The following CACNA2D1 variants were observed in gnomAD, a reference collection of about 807,000 sequenced individuals.
CACNA2D1 encodes the protein calcium voltage-gated channel auxiliary subunit alpha2delta 1, also known as voltage-dependent calcium channel subunit alpha-2/delta-1.
Under a neutral mutation model 171.5 loss-of-function variants are expected in CACNA2D1, and 53 were observed. The ratio of observed to expected loss-of-function variants is 0.31; its 90% CI spans 0.25 to 0.39. The LOEUF is 0.39. Ranked by LOEUF, CACNA2D1 falls within the 10% of genes least tolerant of loss-of-function variation. CACNA2D1 has a pLI of 1.00. For synonymous variants in CACNA2D1, 442 were observed against 443.1 expected (o/e 1.00, Z 0.03); for missense variants, 903 against 1,299.8 (o/e 0.69, Z 4.69).
At chr7:82,367,747 G>A (rs147920304) in intron 1 of CACNA2D1, among the ~76,000 whole-genome samples, 178 of 152,226 alleles carry the variant, frequency 1.2e-3, no homozygotes, top group Middle Eastern at 6.8e-3. Flanking sequence ...TATTAGCAAG[G>A]CGTGATGAAC....
intron 3 of CACNA2D1, among the ~76,000 whole-genome samples, chr7:82,282,886 A>G (rs1810301640): frequency 6.6e-6 from 1 of 152,170 alleles, no homozygotes; most frequent in Non-Finnish European, 1.5e-5. Context: ...GCACATTCCT[A>G]CAATACATTA....
intron 38 of CACNA2D1, among the ~76,000 whole-genome samples, chr7:81,955,141 T>C (rs1793075403): frequency 6.6e-6 from 1 of 152,174 alleles, no homozygotes; most frequent in Non-Finnish European, 1.5e-5. Flanking sequence ...GTTTGAACAC[T>C]TGAGTTCTGA....
intron 7 of CACNA2D1, among the ~76,000 whole-genome samples, chr7:82,080,228 T>C (rs568560429): frequency 3.7e-4 from 56 of 151,874 alleles, no homozygotes; most frequent in African/African-American, 1.2e-3. Context: ...CTGCTTTAAG[T>C]AGCATATTAA....
At chr7:82,258,761 T>C (rs1806617748) in intron 3 of CACNA2D1, among the ~76,000 whole-genome samples, 1 of 151,916 alleles carries the variant, frequency 6.6e-6, no homozygotes, top group African/African-American at 2.4e-5. Context: ...CTTTTGAAAA[T>C]GTGTTTTCTG....
chr7:82,174,042 C>CAAAAAAAAAAAA (rs71093365), intron 3 of CACNA2D1, among the ~76,000 whole-genome samples: 2 of 45,644 alleles, frequency 4.4e-5, no homozygotes, highest in African/African-American at 8.7e-5. Flanking sequence ...GACCCTGTCT[C>CAAAAAAAAAAAA]AAAAAAAAAA....
At chr7:82,219,998 G>A (rs2129245725) in intron 3 of CACNA2D1, among the ~76,000 whole-genome samples, 1 of 152,102 alleles carries the variant, frequency 6.6e-6, no homozygotes. Flanking sequence ...TAGATTCACT[G>A]TTTTTTTCCA....
At chr7:82,410,412 G>A (rs904856845) in intron 1 of CACNA2D1, 1 of 479,716 alleles carries the variant, frequency 2.1e-6, no homozygotes, top group African/African-American at 2.1e-5. Context: ...TATCACTTCT[G>A]TACTGCTATC....
At chr7:82,245,676 A>ACACACT (rs1554479418) in intron 3 of CACNA2D1, among the ~76,000 whole-genome samples, 40 of 146,002 alleles carry the variant, frequency 2.7e-4, no homozygotes, top group South Asian at 1.1e-3. Context: ...ACACACACAC[A>ACACACT]CACACACACA....
intron 1 of CACNA2D1, among the ~76,000 whole-genome samples, chr7:82,351,657 T>C (rs990911662): frequency 3.3e-5 from 5 of 152,118 alleles, no homozygotes; most frequent in African/African-American, 2.4e-5. Flanking sequence ...ATTGTTATAA[T>C]AACATTTTAA....
At chr7:82,093,942 G>T (rs7788209) in intron 6 of CACNA2D1, among the ~76,000 whole-genome samples, 3 of 152,162 alleles carry the variant, frequency 2.0e-5, no homozygotes, top group Non-Finnish European at 2.9e-5. Context: ...AAGAAATTTA[G>T]TGTCTCCATA....
intron 3 of CACNA2D1, among the ~76,000 whole-genome samples, chr7:82,297,107 T>C (rs894566028): frequency 2.8e-4 from 32 of 112,904 alleles, no homozygotes; most frequent in African/African-American, 1.1e-3. Flanking sequence ...ATTAGCCAGG[T>C]ATGGTGGCAC....
chr7:82,085,420 T>G (rs1810337131), intron 6 of CACNA2D1, among the ~76,000 whole-genome samples: 1 of 151,956 alleles, frequency 6.6e-6, no homozygotes, highest in South Asian at 2.1e-4. Context: ...GAGGTAGTTC[T>G]GAGGAAACCT....
chr7:82,013,470 G>A lies in CACNA2D1; in HGVS notation c.1263C>T (p.Ile421=). 1 of 1,090,806 alleles carries A rather than the reference G, an allele frequency of 9.2e-7. No individual in the cohort carries two copies. The highest frequency in any genetic ancestry group is 1.3e-6 in the Non-Finnish European group (1 of 784,128). The allele number at this position is 1,090,806 out of a possible 1,614,324, so 67.6% of individuals were successfully genotyped here. A position where few individuals can be genotyped will look rare whatever the true frequency, so the allele number is the denominator to read the frequency against. The change falls in exon 14 of 39, where the codon ATC becomes ATT. Residue 421 remains isoleucine (I), a synonymous_variant. Coordinates refer to ENST00000356860, the MANE Select transcript of CACNA2D1 (RefSeq NM_000722.4). Reference sequence around the variant, plus strand: ...TTTTAAATAATCATACCTGAGTATTGATTCTTATTGCACCAATGGAAGGAA... The same window carrying A: ...TTTTAAATAATCATACCTGAGTATTAATTCTTATTGCACCAATGGAAGGAA... ...YEIPSIGAIR[I]NTQEYLDVLG...
intron 1 of CACNA2D1, among the ~76,000 whole-genome samples, chr7:82,367,720 G>A (rs11763784): frequency 6.6e-6 from 1 of 152,084 alleles, no homozygotes; most frequent in Non-Finnish European, 1.5e-5. Flanking sequence ...CAAGCAAGCA[G>A]AGTAGTCAAA....
intron 3 of CACNA2D1, among the ~76,000 whole-genome samples, chr7:82,297,772 G>A (rs1203116452): frequency 6.6e-6 from 1 of 152,024 alleles, no homozygotes; most frequent in African/African-American, 2.4e-5. Flanking sequence ...GATGCTGGAG[G>A]CTGTTAATAA....
intron 14 of CACNA2D1, 157 bp from the exon 15 acceptor site, chr7:82,012,400 T>C: frequency 3.2e-6 from 2 of 628,410 alleles, no homozygotes; most frequent in Non-Finnish European, 5.6e-6. Flanking sequence ...TTTTGGGTAC[T>C]CCATAGGTGG....
chr7:81,958,565 C>T (rs917160696), intron 38 of CACNA2D1, among the ~76,000 whole-genome samples: 2 of 151,680 alleles, frequency 1.3e-5, no homozygotes, highest in African/African-American at 4.9e-5. Flanking sequence ...ATATTACCTA[C>T]CTTGTATATA....
At chr7:82,011,977 C>T (rs1413876817) in intron 15 of CACNA2D1, 177 bp downstream of exon 15, 1 of 615,426 alleles carries the variant, frequency 1.6e-6, no homozygotes, top group East Asian at 2.9e-5. Flanking sequence ...TTTTCTACTA[C>T]ATACGAGTCT....
chr7:82,362,762 A>G (rs1821214950), intron 1 of CACNA2D1, among the ~76,000 whole-genome samples: 1 of 152,216 alleles, frequency 6.6e-6, no homozygotes, highest in African/African-American at 2.4e-5. Context: ...CAATTACTGC[A>G]AGTAATAAAT....
Sources: allele counts gnomAD v4.1 joint callset (sites outside exome capture counted in the v4.1 genomes callset), GRCh38; gene constraint gnomAD v4.1.1; transcripts MANE v1.5; gene names NCBI Gene and HGNC (gene_info 2026-07-23, HGNC 2026-07-21).